Variants in TUBGCP5 observed in about 807,000 individuals in gnomAD.
TUBGCP5 encodes the protein gamma-tubulin complex component 5.
In TUBGCP5, 98 loss-of-function variants were observed where a neutral mutation model predicts 134.7. That is an observed-to-expected ratio of 0.73 (90% CI 0.62 to 0.86). The LOEUF is 0.86. TUBGCP5 is among the 40% of genes least tolerant of loss of function. The pLI is 0.00. For synonymous variants in TUBGCP5, 456 were observed against 431.4 expected (o/e 1.06, Z -0.71); for missense variants, 1,150 against 1,244.8 (o/e 0.92, Z 1.15).
At chr15:23,039,315 G>T in intron 1 of TUBGCP5, 83 bp downstream of exon 1, 4 of 1,226,392 alleles carry the variant, frequency 3.3e-6, no homozygotes, top group Non-Finnish European at 4.1e-6. Context: ...CTGCCCCAGC[G>T]CGCCCCGACC....
At chr15:22,995,906 T>A (rs2064053707), downstream of TUBGCP5, among the ~76,000 whole-genome samples, 2 of 152,184 alleles carry the variant, frequency 1.3e-5, no homozygotes, top group African/African-American at 4.8e-5. Context: ...AAGTCTGGCT[T>A]TTTTTTCGAC....
At chr15:23,018,073 A>C in intron 12 of TUBGCP5, 32 bp from the exon 13 acceptor site, 2 of 1,565,488 alleles carry the variant, frequency 1.3e-6, no homozygotes, top group East Asian at 4.5e-5. Context: ...TTAAACTCTT[A>C]TTTCTCTTTC....
At chr15:23,022,703 G>A (rs1357202734) in intron 10 of TUBGCP5, among the ~76,000 whole-genome samples, 2 of 152,246 alleles carry the variant, frequency 1.3e-5, no homozygotes, top group African/African-American at 4.8e-5. Context: ...AACCATGTCA[G>A]GTCTGCAGTT....
intron 3 of TUBGCP5, among the ~76,000 whole-genome samples, chr15:23,035,268 G>C (rs951394845): frequency 2.7e-5 from 4 of 150,876 alleles, no homozygotes; most frequent in African/African-American, 9.8e-5. Flanking sequence ...AGTGGGGGTT[G>C]CAATGAGTCG....
At chr15:22,995,046 A>G (rs1431115550), downstream of TUBGCP5, among the ~76,000 whole-genome samples, 2 of 152,080 alleles carry the variant, frequency 1.3e-5, no homozygotes, top group East Asian at 3.9e-4. Context: ...GAGTTCAAGA[A>G]CAGCCTGGCT....
At chr15:22,985,964 T>A (rs2063665148) in intron 23 of TUBGCP5, among the ~76,000 whole-genome samples, 1 of 151,622 alleles carries the variant, frequency 6.6e-6, no homozygotes, top group South Asian at 2.1e-4. Context: ...AAACCTTGTC[T>A]CTATCAAAAA....
In TUBGCP5 at chr15:23,008,729, A is replaced by G; in HGVS notation, c.2297T>C (p.Val766Ala). ...SFLNVQLQEA[V>A]GQRYPEDSSR... ...ACTATCTTCAGGATAACGCTGTCCT[A>G]CTGCTTCTTGGAGTTGGACATTAAG... is the stretch of plus-strand genomic sequence containing the variant. Residue 766 changes from valine (V) to alanine (A), a missense_variant, in exon 16 of 23, where the codon GTA (valine) becomes GCA (alanine). By Grantham distance (64) the Val-to-Ala change is moderately conservative. Coordinates refer to ENST00000615383, the MANE Select transcript of TUBGCP5 (RefSeq NM_052903.6). The G allele has an allele frequency of 1.2e-6, 2 of 1,607,838 alleles. No individual in the cohort carries two copies. Among genetic ancestry groups the G allele is most frequent in the South Asian group, 1.1e-5 (1 of 89,188 alleles).
chr15:23,037,077 G>T, intron 2 of TUBGCP5, 22 bp downstream of exon 2: 1 of 1,611,320 alleles, frequency 6.2e-7, no homozygotes, highest in Non-Finnish European at 8.5e-7. Context: ...TTCTGGATGC[G>T]TATATATACA....
chr15:23,018,194 T>C (rs1040120423), intron 12 of TUBGCP5, among the ~76,000 whole-genome samples, 153 bp from the exon 13 acceptor site: 1 of 152,206 alleles, frequency 6.6e-6, no homozygotes, highest in African/African-American at 2.4e-5. Flanking sequence ...TTTAATCTCA[T>C]CTCAGTTTAA....
Position 23,011,121 on chromosome 15 carries a change from G to T in TUBGCP5, c.1955+12C>A, listed in dbSNP as rs545508262. On this transcript the variant is annotated intron_variant, in intron 14 of 22. Transcript: ENST00000615383. Reference sequence around the variant, plus strand: ...CATTTCAATTACTGATAACCTTGCAGGTGTGTCTCACCTTGCAAAGTTAAT... The same window carrying T: ...CATTTCAATTACTGATAACCTTGCATGTGTGTCTCACCTTGCAAAGTTAAT... 1.3e-4 allele frequency: 208 copies of T among 1,611,542 alleles called. 1 individual carries two copies. In the South Asian group the frequency reaches 2.2e-3, roughly 17 times the overall value.
At chr15:22,983,651 A>G (rs2063596672) in intron 23 of TUBGCP5, 1 of 152,152 alleles carries the variant, frequency 6.6e-6, no homozygotes, top group Non-Finnish European at 1.5e-5. Flanking sequence ...ACAGTAAGAC[A>G]TTAACAATAA....
chr15:23,000,347 G>A, intron 22 of TUBGCP5: 14 of 1,282,166 alleles, frequency 1.1e-5, no homozygotes, highest in Non-Finnish European at 1.4e-5. Flanking sequence ...GAAATCTGTT[G>A]TAATAAATGG....
At chr15:23,009,899 G>A (rs1343183890) in intron 15 of TUBGCP5, 46 bp downstream of exon 15, 1 of 1,548,560 alleles carries the variant, frequency 6.5e-7, no homozygotes, top group East Asian at 2.3e-5. Context: ...TGTTCTTCAA[G>A]TACAATCAAC....
At position 23,011,278 on chromosome 15, in the gene TUBGCP5, G is replaced by A. The variant is rs2065016352; in HGVS notation, c.1810C>T (p.Leu604Phe). 1 of 1,613,868 alleles carries A rather than the reference G, an allele frequency of 6.2e-7. No homozygotes were observed. The highest frequency in any genetic ancestry group is 8.5e-7 in the Non-Finnish European group (1 of 1,180,008). Residue 604 changes from leucine to phenylalanine, a missense_variant, in exon 14 of 23, where the codon CTT becomes TTT. Physicochemically the swap from Leu to Phe is conservative, Grantham distance 22 (BLOSUM62 0). Transcript: ENST00000615383. ...GGAGTGGAATCTTCTCCATGTCGAA[G>A]ACGGGACTGTACAGATTCCAGAAAG... ...TLFLESVQSR[L>F]RHGEDSTPQV... is the part of the protein sequence containing the mutation.
chr15:23,031,671 C>T (rs1372080662), intron 5 of TUBGCP5, among the ~76,000 whole-genome samples: 1 of 151,972 alleles, frequency 6.6e-6, no homozygotes, highest in Non-Finnish European at 1.5e-5. Flanking sequence ...GCTATGTTGC[C>T]CAGGCTGGTC....
intron 15 of TUBGCP5, among the ~76,000 whole-genome samples, 176 bp from the exon 16 acceptor site, chr15:23,009,057 TTTTCC>T (rs545251241): frequency 4.4e-4 from 67 of 152,216 alleles, no homozygotes; most frequent in Non-Finnish European, 5.9e-5. Context: ...ACAGCATAGG[TTTTCC>T]TTTCATCATC....
chr15:23,030,601 TAAAAAA>T lies in TUBGCP5; in HGVS notation c.622+278_622+283del, dbSNP rs10632423. Among the ~76,000 whole-genome samples, 4 of 119,546 alleles carry T rather than the reference TAAAAAA, an allele frequency of 3.3e-5. 1 individual carries two copies. The highest frequency in any genetic ancestry group is 7.0e-5 in the Non-Finnish European group (4 of 56,880). 78.4% of individuals were successfully genotyped at this position (119,546 alleles called of 152,430 possible). On this transcript the variant is annotated intron_variant, in intron 6 of 22. Coordinates refer to ENST00000615383, the MANE Select transcript of TUBGCP5 (RefSeq NM_052903.6). The stretch of plus-strand genomic sequence containing the variant: ...TTAGCAAAATCAGTCCTTCTCCAAT[TAAAAAA>T]AAAAAAAAAAAAGGAAACATTTACA...
chr15:23,037,364 C>G (rs77320491), intron 1 of TUBGCP5, among the ~76,000 whole-genome samples: 2 of 152,086 alleles, frequency 1.3e-5, no homozygotes, highest in African/African-American at 2.4e-5. Flanking sequence ...CACACAGGTT[C>G]TTCCTGACCC....
chr15:23,031,717 C>T (rs1481421859), intron 5 of TUBGCP5, among the ~76,000 whole-genome samples: 1 of 152,084 alleles, frequency 6.6e-6, no homozygotes, highest in South Asian at 2.1e-4. Context: ...TCCTGCCTCT[C>T]GAAAGTGAGC....
Sources: gnomAD v4.1 joint callset for allele counts (sites outside exome capture counted in the v4.1 genomes callset) on GRCh38, gnomAD v4.1.1 for gene constraint, MANE v1.5 for transcripts, NCBI Gene and HGNC (gene_info 2026-07-23, HGNC 2026-07-21) for gene names.